FSHR: variants seen among roughly 807,000 people sequenced by gnomAD.
The protein encoded by FSHR is follicle-stimulating hormone receptor.
FSHR carries 46 observed loss-of-function variants against 52.1 expected under a neutral mutation model. The ratio of observed to expected loss-of-function variants is 0.88; its 90% CI spans 0.70 to 1.13. FSHR has a LOEUF of 1.13. Among genes scored for constraint, FSHR ranks in the 50% most tolerant of loss-of-function variants. The probability of loss-of-function intolerance (pLI) is 0.00; values close to 1 mark genes in which losing one functional copy is unlikely to be tolerated. For missense variants in FSHR, 964 were observed against 834.6 expected, an observed-to-expected ratio of 1.16 and a Z score of -1.91; for synonymous variants, 399 against 309.6, an observed-to-expected ratio of 1.29 and a Z score of -3.03.
At chr2:49,110,057 T>C (rs1350921099) in intron 1 of FSHR, among the ~76,000 whole-genome samples, 1 of 152,110 alleles carries the variant, frequency 6.6e-6, no homozygotes, top group Non-Finnish European at 1.5e-5. Context: ...GTTTGCATGT[T>C]GATATTTTGT....
chr2:49,088,246 G>C (rs1227359065), intron 1 of FSHR, among the ~76,000 whole-genome samples: 8 of 152,204 alleles, frequency 5.3e-5, no homozygotes, highest in African/African-American at 1.9e-4. Flanking sequence ...ATGAGGGCGA[G>C]GAGAATGAGT....
chr2:49,038,753 G>A (rs1251228272), intron 2 of FSHR, among the ~76,000 whole-genome samples: 1 of 151,450 alleles, frequency 6.6e-6, no homozygotes, highest in Non-Finnish European at 1.5e-5. Context: ...AGGAAGAGTA[G>A]AATTAAAACA....
intron 1 of FSHR, among the ~76,000 whole-genome samples, chr2:49,118,223 C>CAAGGAGGA (rs1055282928): frequency 5.3e-5 from 8 of 152,106 alleles, no homozygotes; most frequent in African/African-American, 1.9e-4. Context: ...GATGTATTCC[C>CAAGGAGGA]AAGGAGGAAA....
chr2:49,021,360 T>G (rs1667689844), intron 2 of FSHR, among the ~76,000 whole-genome samples: 1 of 152,174 alleles, frequency 6.6e-6, no homozygotes, highest in Admixed American at 6.5e-5. Flanking sequence ...GTCTCACAGA[T>G]GAAATGTGCT....
intron 1 of FSHR, among the ~76,000 whole-genome samples, chr2:49,141,751 T>A (rs1230794696): frequency 6.6e-6 from 1 of 151,400 alleles, no homozygotes; most frequent in Non-Finnish European, 1.5e-5. Context: ...TCCAGCATTT[T>A]ACATATGTAA....
In FSHR at chr2:49,008,907, A is replaced by C. The variant is rs545204690; in HGVS notation, c.374+8582T>G. On this transcript the variant is annotated intron_variant, in intron 4 of 9. Coordinates refer to ENST00000406846, the MANE Select transcript of FSHR (RefSeq NM_000145.4). ...TTTTCTTGTAAATTTGTTTGAGTTC[A>C]TTGTAGATTCTGGATACTAGCCCTT... Among the ~76,000 whole-genome samples, 622 of 151,734 alleles carry C rather than the reference A, an allele frequency of 4.1e-3. 7 individuals carry two copies. Among genetic ancestry groups the C allele is most frequent in the African/African-American group, 0.014 (575 of 41,306 alleles).
chr2:49,046,593 T>A (rs1668666682), intron 2 of FSHR, among the ~76,000 whole-genome samples: 2 of 152,196 alleles, frequency 1.3e-5, no homozygotes, highest in Non-Finnish European at 2.9e-5. Context: ...CAGCTGTGAT[T>A]AATGTTGTTG....
At chr2:49,038,275 G>A (rs1668344115) in intron 2 of FSHR, among the ~76,000 whole-genome samples, 1 of 152,106 alleles carries the variant, frequency 6.6e-6, no homozygotes, top group African/African-American at 2.4e-5. Context: ...AGTTTAAGAA[G>A]TGAAGTCTCT....
chr2:49,024,298 G>A (rs911687918), intron 2 of FSHR, among the ~76,000 whole-genome samples: 4 of 152,072 alleles, frequency 2.6e-5, no homozygotes, highest in African/African-American at 9.7e-5. Flanking sequence ...ATAAGGGCCG[G>A]GTACAGTGGC....
At position 48,962,702 on chromosome 2, in the gene FSHR, T is replaced by C. The variant is rs1559066582; in HGVS notation, c.*31A>G. Reference sequence around the variant, plus strand: ...TTCAAAGGCAAGACTGAATTATCATTCAATACTCAGATACATTTTCACATT... The same window carrying C: ...TTCAAAGGCAAGACTGAATTATCATCCAATACTCAGATACATTTTCACATT... On this transcript the variant is annotated 3_prime_UTR_variant, in exon 10 of 10. Coordinates refer to ENST00000406846, the MANE Select transcript of FSHR (RefSeq NM_000145.4). 2 of 1,603,286 alleles carry C rather than the reference T, an allele frequency of 1.2e-6. No individual in the cohort carries two copies. Among genetic ancestry groups the C allele is most frequent in the Non-Finnish European group, 1.7e-6 (2 of 1,170,228 alleles).
chr2:49,011,771 G>C (rs1456127866), intron 4 of FSHR, among the ~76,000 whole-genome samples: 1 of 152,086 alleles, frequency 6.6e-6, no homozygotes, highest in Non-Finnish European at 1.5e-5. Flanking sequence ...TGGATTCTTT[G>C]TGCTTCCTTG....
chr2:49,077,904 A>G (rs1048158037), intron 1 of FSHR, among the ~76,000 whole-genome samples: 6 of 152,204 alleles, frequency 3.9e-5, no homozygotes, highest in Non-Finnish European at 8.8e-5. Flanking sequence ...GTTATTGTTC[A>G]TATCACTATC....
chr2:49,127,846 T>C (rs1572781539), intron 1 of FSHR, among the ~76,000 whole-genome samples: 4 of 20,526 alleles, frequency 1.9e-4, no homozygotes, highest in African/African-American at 1.6e-3. Flanking sequence ...TTCTTCTTCT[T>C]CTTCTTCTTC....
At chr2:49,150,983 T>C (rs1263714674) in intron 1 of FSHR, among the ~76,000 whole-genome samples, 7 of 152,128 alleles carry the variant, frequency 4.6e-5, no homozygotes, top group Admixed American at 1.3e-4. Flanking sequence ...AATTCAAATT[T>C]CTGTGTTCAT....
intron 2 of FSHR, among the ~76,000 whole-genome samples, chr2:49,039,314 A>G (rs1197020625): frequency 6.6e-6 from 1 of 152,086 alleles, no homozygotes; most frequent in Non-Finnish European, 1.5e-5. Flanking sequence ...TGAAGATGTG[A>G]TGTCTCTTAC....
intron 1 of FSHR, among the ~76,000 whole-genome samples, chr2:49,086,045 A>G (rs1670377139): frequency 6.6e-6 from 1 of 152,124 alleles, no homozygotes; most frequent in African/African-American, 2.4e-5. Flanking sequence ...GCACACCAAC[A>G]TGGCACATGT....
At chr2:49,088,639 TA>T (rs1670488283) in intron 1 of FSHR, among the ~76,000 whole-genome samples, 1 of 152,300 alleles carries the variant, frequency 6.6e-6, no homozygotes, top group African/African-American at 2.4e-5. Flanking sequence ...CCACCTGATT[TA>T]ACTGTGAATT....
intron 2 of FSHR, among the ~76,000 whole-genome samples, chr2:49,023,658 T>A (rs1277538270): frequency 2.0e-5 from 3 of 152,188 alleles, no homozygotes; most frequent in Non-Finnish European, 4.4e-5. Context: ...TCCCTAGGCC[T>A]TCTCTGGCTA....
At chr2:49,081,524 AC>A (rs1670169465) in intron 1 of FSHR, among the ~76,000 whole-genome samples, 1 of 152,148 alleles carries the variant, frequency 6.6e-6, no homozygotes, top group Non-Finnish European at 1.5e-5. Context: ...TTATTAACTC[AC>A]TATTAATTCA....
Sources: gnomAD v4.1 joint callset for allele counts (sites outside exome capture counted in the v4.1 genomes callset) on GRCh38, gnomAD v4.1.1 for gene constraint, MANE v1.5 for transcripts, NCBI Gene and HGNC (gene_info 2026-07-23, HGNC 2026-07-21) for gene names.